The following ZNF350 variants were observed in gnomAD, a reference collection of about 807,000 sequenced individuals.
ZNF350 encodes KRAB zinc finger protein ZFQR.
In ZNF350, 5 loss-of-function variants were observed where a neutral mutation model predicts 13.1. The ratio of observed to expected loss-of-function variants is 0.38; its 90% CI spans 0.20 to 0.80. The LOEUF (loss-of-function observed/expected upper bound fraction) is 0.80, where lower values mean the gene tolerates loss of function less well. Among genes scored for constraint, ZNF350 ranks in the 30% least tolerant of loss-of-function variants. ZNF350 has a pLI of 0.43. For missense variants in ZNF350, 534 were observed against 644.2 expected (o/e 0.83, Z 1.85); for synonymous variants, 199 against 224.2 (o/e 0.89, Z 1.00).
At position 51,966,654 on chromosome 19, in the gene ZNF350, T is replaced by TG. The variant is rs1555762177; in HGVS notation, c.239-441_239-440insC. Among the ~76,000 whole-genome samples the TG allele has an allele frequency of 1.5e-4, 23 of 150,950 alleles. No individual in the cohort carries two copies. The East Asian group carries it at 1.6e-3, about 10-fold the overall frequency. ...GCCAAAGTATTTTTTGTTGTTTTTTTTTTGTTTTTTGGGGACGGAGTCTCA... is the reference window on the plus strand; with the variant it reads ...GCCAAAGTATTTTTTGTTGTTTTTTTGTTTGTTTTTTGGGGACGGAGTCTCA... On this transcript the variant is annotated intron_variant, in intron 4 of 4. Transcript: ENST00000243644.
intron 2 of ZNF350, chr19:51,973,503 A>G (rs1049534079): frequency 2.6e-5 from 4 of 152,168 alleles, no homozygotes; most frequent in Non-Finnish European, 4.4e-5. Flanking sequence ...CTCACCCTCC[A>G]TTAGCTTGAA....
rs554505714 is a variant in ZNF350 at position 51,964,890 on chromosome 19, G to A, written c.1563C>T (p.Ile521=). Residue 521 remains isoleucine, a synonymous_variant, in exon 5 of 5, where the codon ATC becomes ATT. Transcript: ENST00000243644. ...CTGTAACATAAAATAAGACATAATT[G>A]ATCACGGAAGGCACAACCACATTCA... ...NAVNVVVPSV[I]NYVLFYVTEN... is the part of the protein sequence containing the mutation. 1.9e-5 allele frequency: 31 copies of A among 1,612,724 alleles called. No homozygotes were observed. In the South Asian group the frequency reaches 2.4e-4, roughly 13 times the overall value.
rs1217880529 is a variant in ZNF350, at chr19:51,964,551, A to G, written c.*303T>C. 7 of 371,344 alleles carry G rather than the reference A, an allele frequency of 1.9e-5. No individual in the cohort carries two copies. In the East Asian group the frequency reaches 3.5e-4, roughly 18 times the overall value. The allele number at this position is 371,344 out of a possible 1,614,324, so 23.0% of individuals were successfully genotyped here. A position where few individuals can be genotyped will look rare whatever the true frequency, so the allele number is the denominator to read the frequency against. On this transcript the variant is annotated 3_prime_UTR_variant, in exon 5 of 5. Coordinates refer to ENST00000243644, the MANE Select transcript of ZNF350 (RefSeq NM_021632.4). ...CCAACTGCCCCTTATGAAGCTTTTCAGTCACTGCAACACTCCCGACACCAA... is the reference window on the plus strand; with the variant it reads ...CCAACTGCCCCTTATGAAGCTTTTCGGTCACTGCAACACTCCCGACACCAA...
At chr19:51,981,264 C>CCG (rs55842990) in intron 1 of ZNF350, 9 of 149,534 alleles carry the variant, frequency 6.0e-5, no homozygotes, top group Admixed American at 2.6e-4. Context: ...TCCACCCCCC[C>CCG]ACCCTCCTAT....
intron 1 of ZNF350, chr19:51,984,306 T>C (rs192270766): frequency 1.3e-5 from 2 of 151,552 alleles, no homozygotes; most frequent in East Asian, 3.9e-4. Context: ...TAGAAACATA[T>C]CAATAAAGCT....
intron 2 of ZNF350, among the ~76,000 whole-genome samples, chr19:51,969,818 G>A (rs938092934): frequency 1.3e-5 from 2 of 152,144 alleles, no homozygotes; most frequent in Non-Finnish European, 2.9e-5. Flanking sequence ...AACAGAGCAA[G>A]ACTGTCTCTA....
In ZNF350 at chr19:51,965,598, G is replaced by A. The variant is rs751576563; in HGVS notation, c.855C>T (p.Thr285=). ...CACTGCATATATAGGGTTTCTCTCCGGTATGTGTTTTCTGATGTATGTTGA... is the reference window on the plus strand; with the variant it reads ...CACTGCATATATAGGGTTTCTCTCCAGTATGTGTTTTCTGATGTATGTTGA... ...SRLNIHQKTH[T]GEKPYICSEC... Residue 285 remains threonine, a synonymous_variant, in exon 5 of 5, where the codon ACC becomes ACT. Coordinates refer to ENST00000243644, the MANE Select transcript of ZNF350 (RefSeq NM_021632.4). The A allele has an allele frequency of 4.5e-5, 73 of 1,613,908 alleles. No individual in the cohort carries two copies. In the Admixed American group the frequency reaches 8.2e-4, roughly 18 times the overall value.
At chr19:51,981,007 CAGAA>C (rs1457558436) in intron 1 of ZNF350, 1 of 152,188 alleles carries the variant, frequency 6.6e-6, no homozygotes, top group Non-Finnish European at 1.5e-5. Context: ...AATACATAAA[CAGAA>C]AGGGGGATAT....
intron 1 of ZNF350, chr19:51,981,294 C>CGGAGA (rs2086036480): frequency 7.1e-6 from 1 of 141,104 alleles, no homozygotes; most frequent in Non-Finnish European, 1.5e-5. Flanking sequence ...CTAATAAATA[C>CGGAGA]GGAGGGCTGT....
intron 2 of ZNF350, 81 bp from the exon 3 acceptor site, chr19:51,969,212 A>T: frequency 6.5e-7 from 1 of 1,550,382 alleles, no homozygotes; most frequent in East Asian, 2.3e-5. Flanking sequence ...GCTCATTTCC[A>T]CTCTACAGGC....
intron 1 of ZNF350, among the ~76,000 whole-genome samples, chr19:51,982,881 A>C (rs577791529): frequency 6.6e-5 from 10 of 152,326 alleles, no homozygotes; most frequent in South Asian, 4.1e-4. Context: ...GAAGTAGATA[A>C]AAGCTGTCTT....
Position 51,965,781 on chromosome 19 carries a change from G to A in ZNF350, c.672C>T (p.His224=), listed in dbSNP as rs1384363539. 1 of 1,613,592 alleles carries A rather than the reference G, an allele frequency of 6.2e-7. No individual in the cohort carries two copies. Among genetic ancestry groups the A allele is most frequent in the African/African-American group, 1.3e-5 (1 of 74,942 alleles). The change falls in exon 5 of 5, where the codon CAC becomes CAT. Residue 224 remains histidine, a synonymous_variant. Transcript: ENST00000243644. ...AFIKKSWLTD[H]QVMHTGEKPH... ...GTTTCTCTCCTGTATGCATTACCTG[G>A]TGATCAGTTAGCCAAGACTTCTTGA... is the stretch of plus-strand genomic sequence containing the variant.
At chr19:51,970,927 T>C (rs572568460) in intron 2 of ZNF350, among the ~76,000 whole-genome samples, 82 of 152,362 alleles carry the variant, frequency 5.4e-4, no homozygotes, top group African/African-American at 1.9e-3. Context: ...GAAATCATTA[T>C]AGCCAATAAA....
In ZNF350 at chr19:51,965,695, T is replaced by G. The variant is rs1433532790; in HGVS notation, c.758A>C (p.Gln253Pro). The G allele has an allele frequency of 1.2e-6, 2 of 1,614,230 alleles. No individual in the cohort carries two copies. Among genetic ancestry groups the G allele is most frequent in the South Asian group, 1.1e-5 (1 of 91,074 alleles). Residue 253 changes from glutamine (Q) to proline (P), a missense_variant, in exon 5 of 5, where the codon CAG (glutamine) becomes CCG (proline). By Grantham distance (76) the Gln-to-Pro change is moderately conservative. Transcript: ENST00000243644. ...AGGTTTTTCTCCTGTATGAGTTCGC[T>G]GATGTTCAGTAAGCATGAACTTTCT... is the stretch of plus-strand genomic sequence containing the variant. ...FSRKFMLTEHQRTHTGEKPYE... is the reference protein window; with the variant it reads ...FSRKFMLTEHPRTHTGEKPYE...
intron 1 of ZNF350, among the ~76,000 whole-genome samples, chr19:51,979,271 C>T (rs948131224): frequency 3.9e-5 from 6 of 152,150 alleles, no homozygotes; most frequent in Non-Finnish European, 5.9e-5. Flanking sequence ...CTGTGCACTA[C>T]GTTTTCCCTG....
intron 1 of ZNF350, among the ~76,000 whole-genome samples, chr19:51,979,221 C>A (rs2122942669): frequency 6.6e-6 from 1 of 152,270 alleles, no homozygotes. Flanking sequence ...ACAGGCAAAA[C>A]CCCTGATTCC....
chr19:51,973,337 G>A (rs1432886612), intron 2 of ZNF350: 1 of 152,078 alleles, frequency 6.6e-6, no homozygotes, highest in African/African-American at 2.4e-5. Flanking sequence ...CACCCTCCCA[G>A]AAGTCAGGTT....
At position 51,964,427 on chromosome 19, in the gene ZNF350, T is replaced by C; in HGVS notation, c.*427A>G. 6.0e-6 allele frequency: 1 copy of C among 166,666 alleles called. No homozygotes were observed. 10.3% of individuals were successfully genotyped at this position (166,666 alleles called of 1,614,324 possible). A position where few individuals can be genotyped will look rare whatever the true frequency, so the allele number is the denominator to read the frequency against. On this transcript the variant is annotated 3_prime_UTR_variant, in exon 5 of 5. Transcript: ENST00000243644. ...ACAAAGTTCTGAAAGTTTATGGTCCTGGTTTTCAATTAATCCTCCACACTG... is the reference window on the plus strand; with the variant it reads ...ACAAAGTTCTGAAAGTTTATGGTCCCGGTTTTCAATTAATCCTCCACACTG...
rs779901758 is a variant in ZNF350 at position 51,965,233 on chromosome 19, C to T, written c.1220G>A (p.Cys407Tyr). The T allele has an allele frequency of 1.9e-6, 3 of 1,614,204 alleles. No homozygotes were observed. The highest frequency in any genetic ancestry group is 2.5e-6 in the Non-Finnish European group (3 of 1,180,040). The change falls in exon 5 of 5, where the codon TGT (cysteine) becomes TAT (tyrosine). Residue 407 changes from cysteine (C) to tyrosine (Y), a missense_variant. Transcript: ENST00000243644. ...TGERPYGCNE[C>Y]GKAFAYMSCL... ...CGACATATACGCAAACGCTTTCCCA[C>T]ACTCGTTACAGCCATAGGGTCTCTC...
Sources: allele counts gnomAD v4.1 joint callset (sites outside exome capture counted in the v4.1 genomes callset), GRCh38; gene constraint gnomAD v4.1.1; transcripts MANE v1.5; gene names NCBI Gene and HGNC (gene_info 2026-07-23, HGNC 2026-07-21).